STXBP5L: variants seen among roughly 807,000 people sequenced by gnomAD.
STXBP5L encodes the protein syntaxin-binding protein 5-like.
A neutral mutation model predicts 144.5 loss-of-function variants in STXBP5L; 65 were observed. That is an observed-to-expected ratio of 0.45 (90% confidence interval 0.37 to 0.55). STXBP5L has a LOEUF of 0.55. STXBP5L is among the 20% of genes least tolerant of loss of function. The probability of loss-of-function intolerance (pLI) is 0.00; values close to 1 mark genes in which losing one functional copy is unlikely to be tolerated. For missense variants in STXBP5L, 1,298 were observed against 1,405.5 expected (o/e 0.92, Z 1.22); for synonymous variants, 505 against 469.6 (o/e 1.08, Z -0.97).
rs149564025 is a variant in STXBP5L, at chr3:121,018,129, G to C, written c.288-23571G>C. ...AAGAGATATTCCAGGTACATGGATA[G>C]CAATATTCAATATTGTCAAGATTGA... On this transcript the variant is annotated intron_variant, in intron 3 of 26. Transcript: ENST00000471454. 3.2e-4 allele frequency among the ~76,000 whole-genome samples: 48 copies of C among 152,258 alleles called. 1 individual carries two copies. The East Asian group carries it at 8.5e-3, about 27-fold the overall frequency.
At chr3:121,374,606 G>A (rs1157774962) in intron 20 of STXBP5L, among the ~76,000 whole-genome samples, 4 of 152,088 alleles carry the variant, frequency 2.6e-5, no homozygotes, top group African/African-American at 7.2e-5. Flanking sequence ...CAAAGAGATA[G>A]ATATCATAAA....
chr3:121,027,021 C>T (rs1431510643), intron 3 of STXBP5L, among the ~76,000 whole-genome samples: 2 of 151,586 alleles, frequency 1.3e-5, no homozygotes, highest in African/African-American at 4.8e-5. Context: ...ATCCATATGC[C>T]AAAGTGGCAT....
chr3:121,124,174 T>C (rs2044601876), intron 7 of STXBP5L, among the ~76,000 whole-genome samples: 2 of 152,096 alleles, frequency 1.3e-5, no homozygotes, highest in African/African-American at 4.8e-5. Context: ...AACCTTTTGC[T>C]GAATTATTTA....
intron 9 of STXBP5L, among the ~76,000 whole-genome samples, chr3:121,171,376 GAAAT>G (rs771373443): frequency 2.0e-5 from 3 of 152,250 alleles, no homozygotes; most frequent in African/African-American, 4.8e-5. Flanking sequence ...GCAAGAGAAA[GAAAT>G]AAAGGGTATT....
At chr3:121,000,976 A>G (rs1943725920) in intron 3 of STXBP5L, among the ~76,000 whole-genome samples, 1 of 152,102 alleles carries the variant, frequency 6.6e-6, no homozygotes, top group African/African-American at 2.4e-5. Flanking sequence ...AAAGTTAACC[A>G]TTTGATGTAC....
chr3:121,186,150 A>G (rs532832471), intron 9 of STXBP5L, among the ~76,000 whole-genome samples: 4 of 152,266 alleles, frequency 2.6e-5, no homozygotes, highest in African/African-American at 9.6e-5. Flanking sequence ...TCGATTTTGT[A>G]TCCTGAGACT....
intron 3 of STXBP5L, among the ~76,000 whole-genome samples, chr3:121,032,119 G>A (rs776237632): frequency 2.3e-4 from 35 of 152,018 alleles, no homozygotes; most frequent in Non-Finnish European, 4.0e-4. Context: ...ACATATAATG[G>A]TAATTGAAGG....
intron 20 of STXBP5L, among the ~76,000 whole-genome samples, chr3:121,332,424 A>T (rs1043654848): frequency 6.7e-6 from 1 of 149,042 alleles, no homozygotes; most frequent in Non-Finnish European, 1.5e-5. Context: ...AAAAAAAAAA[A>T]CCAGAACTTC....
At chr3:121,401,702 C>T (rs2046877826) in intron 22 of STXBP5L, among the ~76,000 whole-genome samples, 1 of 109,122 alleles carries the variant, frequency 9.2e-6, no homozygotes, top group African/African-American at 3.6e-5. Flanking sequence ...AATGAGATCA[C>T]ATGGACACAG....
intron 22 of STXBP5L, among the ~76,000 whole-genome samples, chr3:121,387,477 C>T (rs1299327648): frequency 1.3e-5 from 2 of 152,126 alleles, no homozygotes. Context: ...GAAGTCCTTG[C>T]CCATGCCTAT....
chr3:121,202,970 C>CG (rs2048194900), intron 9 of STXBP5L, among the ~76,000 whole-genome samples: 1 of 150,858 alleles, frequency 6.6e-6, no homozygotes, highest in Non-Finnish European at 1.5e-5. Flanking sequence ...TGTTTGTATT[C>CG]CTTTCTTTCC....
At chr3:121,311,305 G>C (rs940947984) in intron 19 of STXBP5L, among the ~76,000 whole-genome samples, 3 of 152,140 alleles carry the variant, frequency 2.0e-5, no homozygotes, top group African/African-American at 4.8e-5. Flanking sequence ...TACCATAGTG[G>C]AAAGACTATG....
intron 19 of STXBP5L, among the ~76,000 whole-genome samples, chr3:121,285,873 A>C (rs1162271104): frequency 6.6e-6 from 1 of 152,082 alleles, no homozygotes; most frequent in Non-Finnish European, 1.5e-5. Context: ...TGATTCTATA[A>C]ATGTTAGTTA....
At chr3:121,372,387 A>G (rs562311572) in intron 20 of STXBP5L, among the ~76,000 whole-genome samples, 2 of 152,276 alleles carry the variant, frequency 1.3e-5, no homozygotes, top group African/African-American at 4.8e-5. Context: ...CTGCTCCATT[A>G]CAGGTGCTCC....
chr3:121,115,173 G>A, intron 6 of STXBP5L, 114 bp downstream of exon 6: 1 of 1,068,944 alleles, frequency 9.4e-7, no homozygotes, highest in Non-Finnish European at 1.3e-6. Flanking sequence ...TAATGAATTT[G>A]AGTGAAAAGT....
chr3:121,227,249 A>G (rs1418511479), intron 11 of STXBP5L, among the ~76,000 whole-genome samples: 2 of 152,286 alleles, frequency 1.3e-5, no homozygotes, highest in East Asian at 1.9e-4. Context: ...AGCAACAAAA[A>G]CATTATCCTT....
rs557344700 is a variant in STXBP5L, at chr3:121,169,305, C to A, written c.877+11678C>A. On this transcript the variant is annotated intron_variant, in intron 9 of 26. Coordinates refer to ENST00000471454, the MANE Select transcript of STXBP5L (RefSeq NM_001308330.2). ...ACTAACAGGCAAAATAAACAGCCAGCGTCATAAAGACAGGATCAAATTCAC... is the reference window on the plus strand; with the variant it reads ...ACTAACAGGCAAAATAAACAGCCAGAGTCATAAAGACAGGATCAAATTCAC... Among the ~76,000 whole-genome samples the A allele has an allele frequency of 4.6e-5, 7 of 152,270 alleles. No homozygotes were observed. The South Asian group carries it at 1.5e-3, about 32-fold the overall frequency.
chr3:121,126,810 T>C (rs1259700434), intron 7 of STXBP5L, among the ~76,000 whole-genome samples: 2 of 152,166 alleles, frequency 1.3e-5, no homozygotes, highest in Non-Finnish European at 2.9e-5. Context: ...TTGCATTCCT[T>C]TTTAGTAATT....
intron 23 of STXBP5L, among the ~76,000 whole-genome samples, chr3:121,411,097 T>C (rs1247354096): frequency 1.4e-4 from 22 of 152,138 alleles, no homozygotes; most frequent in Non-Finnish European, 4.4e-5. Flanking sequence ...CATCTTTTAA[T>C]ATCTTTTTAA....
Sources: allele counts gnomAD v4.1 joint callset (sites outside exome capture counted in the v4.1 genomes callset), GRCh38; gene constraint gnomAD v4.1.1; transcripts MANE v1.5; gene names NCBI Gene and HGNC (gene_info 2026-07-23, HGNC 2026-07-21).